Variants in MYO5C observed in about 807,000 individuals in gnomAD.
MYO5C encodes unconventional myosin-Vc.
A neutral mutation model predicts 235.7 loss-of-function variants in MYO5C; 194 were observed. That is an observed-to-expected ratio of 0.82 (90% confidence interval 0.73 to 0.93). The LOEUF (loss-of-function observed/expected upper bound fraction) is 0.93, where lower values mean the gene tolerates loss of function less well. Ranked by LOEUF, MYO5C falls within the 40% of genes least tolerant of loss-of-function variation. MYO5C has a pLI of 0.00. For missense variants in MYO5C, 2,038 were observed against 2,127.2 expected, an observed-to-expected ratio of 0.96 and a Z score of 0.82; for synonymous variants, 707 against 754.8, an observed-to-expected ratio of 0.94 and a Z score of 1.04.
chr15:52,272,338 T>C (rs544521960), intron 6 of MYO5C, among the ~76,000 whole-genome samples: 112 of 152,352 alleles, frequency 7.4e-4, no homozygotes, highest in African/African-American at 2.5e-3. Context: ...ATAAGGATTT[T>C]GTAAATCCCC....
At chr15:52,247,698 G>A (rs1374144533) in intron 14 of MYO5C, 106 bp from the exon 15 acceptor site, 3 of 1,232,396 alleles carry the variant, frequency 2.4e-6, no homozygotes, top group Admixed American at 2.2e-5. Flanking sequence ...CTAGTGGGCG[G>A]TGAACAACCT....
Position 52,235,748 on chromosome 15 carries a change from G to A in MYO5C, c.2884C>T (p.Gln962Ter). ...GTTTCCAGTTCTGAATTATGCTTCT[G>A]AAGCTTTGCCAATTTCTAGCAGAGG... ...DAVEEKLAKLQKHNSELETQK... is the reference protein window; with the variant it reads ...DAVEEKLAKL Residue 962 changes from glutamine to a stop codon, truncating the protein, a stop_gained, in exon 23 of 41, where the codon CAG becomes TAG. Coordinates refer to ENST00000261839, the MANE Select transcript of MYO5C (RefSeq NM_018728.4). LOFTEE classifies it high-confidence loss of function. 6.2e-7 allele frequency: 1 copy of A among 1,608,816 alleles called. No homozygotes were observed. The highest frequency in any genetic ancestry group is 8.5e-7 in the Non-Finnish European group (1 of 1,177,172).
At chr15:52,248,337 G>C (rs1033224191) in intron 14 of MYO5C, among the ~76,000 whole-genome samples, 7 of 151,804 alleles carry the variant, frequency 4.6e-5, no homozygotes, top group South Asian at 2.1e-4. Context: ...GAAGAGACAG[G>C]GTCTTGCTTT....
chr15:52,194,817 A>G (rs994077831), intron 40 of MYO5C, among the ~76,000 whole-genome samples: 3 of 151,856 alleles, frequency 2.0e-5, no homozygotes, highest in African/African-American at 7.3e-5. Context: ...GTGATATGTT[A>G]TTTTGGTTGA....
Position 52,225,488 on chromosome 15 carries a change from C to T in MYO5C, c.3252G>A (p.Gln1084=). 6.2e-7 allele frequency: 1 copy of T among 1,613,824 alleles called. No individual in the cohort carries two copies. The highest frequency in any genetic ancestry group is 1.7e-5 in the Admixed American group (1 of 60,032). Residue 1084 remains glutamine, a synonymous_variant, in exon 26 of 41, where the codon CAG becomes CAA. Coordinates refer to ENST00000261839, the MANE Select transcript of MYO5C (RefSeq NM_018728.4). The stretch of plus-strand genomic sequence containing the variant: ...GCACATGTTTCTCCACATCTATCTT[C>T]TGTGCCTGAAGTAGTTCTATCTCTT... The part of the protein sequence containing the change: ...FEKEIELLQA[Q]KIDVEKHVQS...
chr15:52,214,619 G>C lies in MYO5C; in HGVS notation c.4026C>G (p.Ser1342Arg). 6.2e-7 allele frequency: 1 copy of C among 1,604,864 alleles called. No homozygotes were observed. Among genetic ancestry groups the C allele is most frequent in the Non-Finnish European group, 8.5e-7 (1 of 1,175,434 alleles). The change falls in exon 33 of 41, where the codon AGC becomes AGG. Residue 1342 changes from serine to arginine, a missense_variant. Ser to Arg is a moderately radical substitution (Grantham distance 110, BLOSUM62 -1). Transcript: ENST00000261839. ...GTTTCTTACCTTTTCCAATTGTCTT[G>C]CTTAGTGTCTTGACTTGATCTTGTA... ...KKLQDQVKTL[S>R]KTIGKANDVH...
intron 1 of MYO5C, among the ~76,000 whole-genome samples, chr15:52,288,751 T>C (rs1006187090): frequency 6.6e-6 from 1 of 152,242 alleles, no homozygotes; most frequent in East Asian, 1.9e-4. Context: ...GGCAGGAGTC[T>C]GTGGACTGGG....
intron 1 of MYO5C, among the ~76,000 whole-genome samples, chr15:52,291,309 T>C (rs1323621149): frequency 6.6e-6 from 1 of 152,146 alleles, no homozygotes; most frequent in East Asian, 1.9e-4. Flanking sequence ...GAGAAATGGT[T>C]GGTGGCACTG....
intron 34 of MYO5C, among the ~76,000 whole-genome samples, 200 bp downstream of exon 34, chr15:52,212,988 G>A (rs2035480053): frequency 6.6e-6 from 1 of 152,178 alleles, no homozygotes; most frequent in Non-Finnish European, 1.5e-5. Flanking sequence ...TAGAAGTCAA[G>A]GATGCTGCTC....
chr15:52,266,424 G>A (rs1247500376), intron 8 of MYO5C, among the ~76,000 whole-genome samples: 1 of 152,182 alleles, frequency 6.6e-6, no homozygotes, highest in African/African-American at 2.4e-5. Flanking sequence ...GCAGAAGAAA[G>A]GGACTTTTTA....
chr15:52,223,787 G>C, intron 28 of MYO5C, 63 bp from the exon 29 acceptor site: 1 of 1,473,262 alleles, frequency 6.8e-7, no homozygotes. Flanking sequence ...GGACTGCTGG[G>C]AGGCAGTTAT....
At chr15:52,202,573 A>G (rs2035213149) in intron 38 of MYO5C, among the ~76,000 whole-genome samples, 1 of 152,212 alleles carries the variant, frequency 6.6e-6, no homozygotes, top group Non-Finnish European at 1.5e-5. Flanking sequence ...AACTGAGTTT[A>G]GCAAAGGCTC....
intron 25 of MYO5C, among the ~76,000 whole-genome samples, chr15:52,227,501 G>C (rs1181366676): frequency 1.3e-5 from 2 of 151,656 alleles, no homozygotes; most frequent in African/African-American, 4.8e-5. Context: ...CCAGCCCCAA[G>C]TAATCTTAAT....
intron 35 of MYO5C, among the ~76,000 whole-genome samples, chr15:52,211,434 A>G (rs1291721158): frequency 6.6e-6 from 1 of 152,212 alleles, no homozygotes; most frequent in Non-Finnish European, 1.5e-5. Context: ...TACCCTTGTT[A>G]CAGAGATAGA....
chr15:52,194,001 A>G lies in MYO5C; in HGVS notation c.5130T>C (p.Tyr1710=). The G allele has an allele frequency of 6.2e-7, 1 of 1,613,778 alleles. No homozygotes were observed. Among genetic ancestry groups the G allele is most frequent in the Non-Finnish European group, 8.5e-7 (1 of 1,179,878 alleles). Reference sequence around the variant, plus strand: ...TAAAAGGAAATGTGACTTGAAAGAGATATTTGGTATCCAACATCAGCTGTG... The same window carrying G: ...TAAAAGGAAATGTGACTTGAAAGAGGTATTTGGTATCCAACATCAGCTGTG... ...DSSQLMLDTK[Y]LFQVTFPFTP... is the part of the protein sequence containing the mutation. Residue 1710 remains tyrosine, a synonymous_variant, in exon 41 of 41, where the codon TAT becomes TAC. Coordinates refer to ENST00000261839, the MANE Select transcript of MYO5C (RefSeq NM_018728.4).
intron 13 of MYO5C, 99 bp from the exon 14 acceptor site, chr15:52,248,882 G>T: frequency 1.2e-6 from 1 of 819,836 alleles, no homozygotes; most frequent in Non-Finnish European, 2.0e-6. Context: ...AATAAAAAAG[G>T]CTACAGAGGC....
At chr15:52,226,126 CAG>C (rs941431920) in intron 25 of MYO5C, among the ~76,000 whole-genome samples, 7 of 151,300 alleles carry the variant, frequency 4.6e-5, no homozygotes, top group Admixed American at 2.0e-4. Flanking sequence ...TGGGGTGGGA[CAG>C]GGGGAAGACT....
intron 2 of MYO5C, among the ~76,000 whole-genome samples, chr15:52,280,039 A>T (rs1336900293): frequency 6.6e-6 from 1 of 152,232 alleles, no homozygotes; most frequent in Non-Finnish European, 1.5e-5. Context: ...ATCTCCCACC[A>T]GGGCTCTACC....
At chr15:52,294,217 T>C (rs1184200004) in intron 1 of MYO5C, among the ~76,000 whole-genome samples, 1 of 152,284 alleles carries the variant, frequency 6.6e-6, no homozygotes, top group Non-Finnish European at 1.5e-5. Flanking sequence ...TCACCTCAAA[T>C]AGGTTCAGCA....
Sources: allele counts gnomAD v4.1 joint callset (sites outside exome capture counted in the v4.1 genomes callset), GRCh38; gene constraint gnomAD v4.1.1; transcripts MANE v1.5; gene names NCBI Gene and HGNC (gene_info 2026-07-23, HGNC 2026-07-21).